The following GSK3B variants were observed in gnomAD, a reference collection of about 807,000 sequenced individuals.
The protein encoded by GSK3B is glycogen synthase kinase 3 beta, also known as glycogen synthase kinase-3 beta.
In GSK3B, 15 loss-of-function variants were observed where a neutral mutation model predicts 56.4. The observed-to-expected ratio is 0.27, with a 90% CI of 0.18 to 0.41. The LOEUF (loss-of-function observed/expected upper bound fraction) is 0.41. GSK3B is among the 10% of genes least tolerant of loss of function. The pLI is 1.00. For synonymous variants in GSK3B, 181 were observed against 188.9 expected, an observed-to-expected ratio of 0.96 and a Z score of 0.34; for missense variants, 300 against 513.4, an observed-to-expected ratio of 0.58 and a Z score of 4.02.
chr3:119,920,333 A>C (rs901660019), intron 4 of GSK3B, among the ~76,000 whole-genome samples: 5 of 152,146 alleles, frequency 3.3e-5, no homozygotes, highest in Admixed American at 6.5e-5. Flanking sequence ...TCTGCTTCTC[A>C]GGTACAAGTG....
intron 1 of GSK3B, 152 bp from the exon 2 acceptor site, chr3:120,002,391 T>C (rs946351705): frequency 4.8e-6 from 2 of 415,982 alleles, no homozygotes; most frequent in East Asian, 3.6e-5. Flanking sequence ...CAGGCTGTTG[T>C]GCAGTCACAC....
intron 1 of GSK3B, among the ~76,000 whole-genome samples, chr3:120,016,933 C>T (rs905319981): frequency 6.6e-6 from 1 of 152,204 alleles, no homozygotes; most frequent in African/African-American, 2.4e-5. Context: ...TAACTCCTCA[C>T]TTGAAATAAT....
chr3:120,052,995 T>TA (rs1443438050), intron 1 of GSK3B, among the ~76,000 whole-genome samples: 8 of 152,152 alleles, frequency 5.3e-5, no homozygotes, highest in Non-Finnish European at 1.5e-5. Flanking sequence ...TAAAGCAGTC[T>TA]AACTACAGAG....
chr3:120,014,924 A>T (rs2107502278), intron 1 of GSK3B, among the ~76,000 whole-genome samples: 1 of 152,350 alleles, frequency 6.6e-6, no homozygotes, highest in African/African-American at 2.4e-5. Flanking sequence ...TCACAGGAAG[A>T]CATCATGCTA....
At chr3:119,856,266 T>C (rs1462098027) in intron 9 of GSK3B, among the ~76,000 whole-genome samples, 1 of 152,186 alleles carries the variant, frequency 6.6e-6, no homozygotes, top group Non-Finnish European at 1.5e-5. Flanking sequence ...AGGCTTTAGG[T>C]CTGACTTACT....
intron 1 of GSK3B, among the ~76,000 whole-genome samples, chr3:120,030,612 G>T (rs966389339): frequency 6.6e-6 from 1 of 152,068 alleles, no homozygotes; most frequent in Non-Finnish European, 1.5e-5. Context: ...TTTTTCACAT[G>T]ATGTTCCCTT....
In GSK3B at chr3:120,093,559, A is replaced by T. The variant is rs1461931939; in HGVS notation, c.-125T>A. On this transcript the variant is annotated 5_prime_UTR_variant, in exon 1 of 11. Transcript: ENST00000264235. ...TCTCCCACAGAAGAAAAAGAAAAAG[A>T]CTTCGTCCTCTTGGCTTTTCACTCC... is the stretch of plus-strand genomic sequence containing the variant. 1.5e-6 allele frequency: 1 copy of T among 648,184 alleles called. No individual in the cohort carries two copies. Among genetic ancestry groups the T allele is most frequent in the Non-Finnish European group, 2.8e-6 (1 of 362,836 alleles). The allele number at this position is 648,184 out of a possible 1,614,324, so 40.2% of individuals were successfully genotyped here.
rs1021093550 is a variant in GSK3B at position 119,822,858 on chromosome 3, C to T, written c.*3930G>A. 3 of 228,134 alleles carry T rather than the reference C, an allele frequency of 1.3e-5. No homozygotes were observed. The allele number at this position is 228,134 out of a possible 1,614,324, so 14.1% of individuals were successfully genotyped here. A position where few individuals can be genotyped will look rare whatever the true frequency, so the allele number is the denominator to read the frequency against. ...TGGGGATCTGGCATTGGCCAAACTT[C>T]CTTTGGAAGATTCCAAAGTTAAATC... is the stretch of plus-strand genomic sequence containing the variant. On this transcript the variant is annotated 3_prime_UTR_variant, in exon 11 of 11. Transcript: ENST00000264235.
intron 1 of GSK3B, among the ~76,000 whole-genome samples, chr3:120,048,920 A>G (rs1462041594): frequency 6.6e-6 from 1 of 152,198 alleles, no homozygotes; most frequent in Non-Finnish European, 1.5e-5. Flanking sequence ...TGCCTAACCA[A>G]TGACACAAAA....
intron 1 of GSK3B, among the ~76,000 whole-genome samples, chr3:120,023,703 C>T (rs949574839): frequency 6.6e-6 from 1 of 152,092 alleles, no homozygotes; most frequent in African/African-American, 2.4e-5. Context: ...TCTCCAATAT[C>T]CACTAAAGAG....
At chr3:119,891,903 T>C (rs542137437) in intron 7 of GSK3B, among the ~76,000 whole-genome samples, 2 of 152,300 alleles carry the variant, frequency 1.3e-5, no homozygotes, top group South Asian at 4.1e-4. Flanking sequence ...GGGGATGTTG[T>C]TCATCCCCTT....
chr3:119,959,506 C>CTT (rs34702117), intron 2 of GSK3B, among the ~76,000 whole-genome samples: 7 of 89,172 alleles, frequency 7.8e-5, no homozygotes, highest in East Asian at 3.6e-4. Flanking sequence ...TTCTCTCTGA[C>CTT]TTTTTTTTTT....
At chr3:119,973,023 T>C (rs1283119361) in intron 2 of GSK3B, among the ~76,000 whole-genome samples, 1 of 152,156 alleles carries the variant, frequency 6.6e-6, no homozygotes, top group Non-Finnish European at 1.5e-5. Flanking sequence ...TTCTACACTT[T>C]CCAATATTGA....
intron 7 of GSK3B, among the ~76,000 whole-genome samples, chr3:119,877,941 A>G (rs1176475369): frequency 6.6e-6 from 1 of 152,188 alleles, no homozygotes; most frequent in African/African-American, 2.4e-5. Context: ...TTGAAATAAA[A>G]TATTAAACCA....
intron 7 of GSK3B, among the ~76,000 whole-genome samples, chr3:119,882,651 TA>T (rs1469339462): frequency 1.3e-5 from 2 of 152,162 alleles, no homozygotes; most frequent in Non-Finnish European, 2.9e-5. Flanking sequence ...AATCCTCCTT[TA>T]ATATATACCA....
At chr3:120,092,693 AATGCATACAGAG>A (rs1227798001) in intron 1 of GSK3B, among the ~76,000 whole-genome samples, 1 of 152,238 alleles carries the variant, frequency 6.6e-6, no homozygotes, top group African/African-American at 2.4e-5. Context: ...ATTGAACACA[AATGCATACAGAG>A]ATGTTACTGC....
intron 9 of GSK3B, 58 bp from the exon 10 acceptor site, chr3:119,843,411 AT>A: frequency 1.1e-6 from 1 of 912,570 alleles, no homozygotes; most frequent in African/African-American, 1.7e-5. Context: ...ATGCAAAACT[AT>A]TTTATTGGTA....
chr3:119,833,731 T>G (rs1471775749), intron 10 of GSK3B, among the ~76,000 whole-genome samples: 1 of 145,222 alleles, frequency 6.9e-6, no homozygotes, highest in Non-Finnish European at 1.5e-5. Flanking sequence ...GGTCTCACTC[T>G]GTCACCTAGG....
chr3:120,082,385 C>CTTTTTTTTTT lies in GSK3B; in HGVS notation c.88+10952_88+10961dup, dbSNP rs1173737285. Among the ~76,000 whole-genome samples, 15 of 66,382 alleles carry CTTTTTTTTTT rather than the reference C, an allele frequency of 2.3e-4. 1 individual carries two copies. The highest frequency in any genetic ancestry group is 5.5e-4 in the African/African-American group (11 of 19,980). The allele number at this position is 66,382 out of a possible 152,430, so 43.5% of individuals were successfully genotyped here. On this transcript the variant is annotated intron_variant, in intron 1 of 10. Coordinates refer to ENST00000264235, the MANE Select transcript of GSK3B (RefSeq NM_001146156.2). ...TGTGGCTAGCCCAAATTAGTATGTTCTTTTTTTTTTTTTTTTTTTTTTTTT... is the reference window on the plus strand; with the variant it reads ...TGTGGCTAGCCCAAATTAGTATGTTCTTTTTTTTTTTTTTTTTTTTTTTTTTTTTTTTTTT...
Sources: gnomAD v4.1 joint callset for allele counts (sites outside exome capture counted in the v4.1 genomes callset) on GRCh38, gnomAD v4.1.1 for gene constraint, MANE v1.5 for transcripts, NCBI Gene and HGNC (gene_info 2026-07-23, HGNC 2026-07-21) for gene names.